The following FADS3 variants were observed in gnomAD, a reference collection of about 807,000 sequenced individuals.
The protein encoded by FADS3 is cytochrome b5-related protein.
Under a neutral mutation model 60.4 loss-of-function variants are expected in FADS3, and 30 were observed. The observed-to-expected ratio is 0.50, with a 90% confidence interval of 0.37 to 0.67. The LOEUF is 0.67. Among genes scored for constraint, FADS3 ranks in the 30% least tolerant of loss-of-function variants. The probability of loss-of-function intolerance (pLI) is 0.00; values close to 1 mark genes in which losing one functional copy is unlikely to be tolerated. For synonymous variants in FADS3, 234 were observed against 249.3 expected (o/e 0.94, Z 0.58); for missense variants, 432 against 598.3 (o/e 0.72, Z 2.90).
At position 61,891,191 on chromosome 11, in the gene FADS3, T is replaced by A. The variant is rs990054514; in HGVS notation, c.191A>T (p.His64Leu). The change falls in exon 1 of 12, where the codon CAC (histidine) becomes CTC (leucine). Residue 64 changes from histidine to leucine, a missense_variant. By Grantham distance (99) the His-to-Leu change is moderately conservative. Transcript: ENST00000278829. ...TACCGTGGCGTCCTCAGCGCCGTGG[T>A]GGCCGATGAGGCGGCTGCCCCCTGG... is the stretch of plus-strand genomic sequence containing the variant. ...RHPGGSRLIG[H>L]HGAEDATDAF... 4 of 1,563,322 alleles carry A rather than the reference T, an allele frequency of 2.6e-6. No individual in the cohort carries two copies. The highest frequency in any genetic ancestry group is 3.5e-6 in the Non-Finnish European group (4 of 1,154,106).
chr11:61,876,957 G>A lies in FADS3; in HGVS notation c.892C>T (p.Leu298Phe). 1.3e-6 allele frequency: 2 copies of A among 1,599,188 alleles called. No homozygotes were observed. The highest frequency in any genetic ancestry group is 1.7e-6 in the Non-Finnish European group (2 of 1,173,880). Reference protein sequence around the residue: ...MLVCMQWADLLWAASFYARFF... With the variant: ...MLVCMQWADLFWAASFYARFF... Reference sequence around the variant, plus strand: ...CGGGCATAGAAGCTGGCGGCCCAGAGCAAATCCTGCAGAGGAGGGCAGAGG... The same window carrying A: ...CGGGCATAGAAGCTGGCGGCCCAGAACAAATCCTGCAGAGGAGGGCAGAGG... Residue 298 changes from leucine to phenylalanine, a missense_variant, in exon 8 of 12, where the codon CTC (leucine) becomes TTC (phenylalanine). This residue lies in a region of FADS3 where 38 missense variants were observed against 34.8 expected (regional missense o/e 1.09). Coordinates refer to ENST00000278829, the MANE Select transcript of FADS3 (RefSeq NM_021727.5). The surrounding 1 kb of genome is among the most constrained non-coding windows in gnomAD (Gnocchi z 5.7).
intron 1 of FADS3, among the ~76,000 whole-genome samples, chr11:61,888,180 C>T (rs1214381484): frequency 6.6e-6 from 1 of 152,204 alleles, no homozygotes; most frequent in African/African-American, 2.4e-5. Flanking sequence ...GGCCTTGTGT[C>T]CCAAGATGGC....
In FADS3 at chr11:61,877,882, C is replaced by A. The variant is rs2135992463; in HGVS notation, c.808+273G>T. The A allele has an allele frequency of 5.1e-6, 3 of 593,294 alleles. No individual in the cohort carries two copies. The highest frequency in any genetic ancestry group is 4.5e-4 in the Middle Eastern group (1 of 2,224). The allele number at this position is 593,294 out of a possible 1,614,324, so 36.8% of individuals were successfully genotyped here. A position where few individuals can be genotyped will look rare whatever the true frequency, so the allele number is the denominator to read the frequency against. ...GGGCTCCGGACCACTCTAGTGAGGG[C>A]AAGAAGAAATTCTACGTGGGGCTTG... On this transcript the variant is annotated intron_variant, in intron 6 of 11. Coordinates refer to ENST00000278829, the MANE Select transcript of FADS3 (RefSeq NM_021727.5). The surrounding 1 kb of genome is among the most constrained non-coding windows in gnomAD (Gnocchi z 4.7).
rs890430719 is a variant in FADS3 at position 61,891,334 on chromosome 11, C to A, written c.48G>T (p.Pro16=). 5.9e-6 allele frequency: 9 copies of A among 1,513,532 alleles called. No individual in the cohort carries two copies. Among genetic ancestry groups the A allele is most frequent in the African/African-American group, 2.8e-5 (2 of 70,980 alleles). The allele number at this position is 1,513,532 out of a possible 1,614,324, so 93.8% of individuals were successfully genotyped here. A position where few individuals can be genotyped will look rare whatever the true frequency, so the allele number is the denominator to read the frequency against. Residue 16 remains proline (P), a synonymous_variant, in exon 1 of 12, where the codon CCG becomes CCT. Transcript: ENST00000278829. ...AGCAGAAGGTGGGCAGCGGCGCCCC[C>A]GGCTGCGCGGGTCCCTCCCGCGGTC... ...EPGPREGPAQ[P]GAPLPTFCWE...
chr11:61,878,269 C>T, intron 5 of FADS3, 54 bp from the exon 6 acceptor site: 1 of 1,584,914 alleles, frequency 6.3e-7, no homozygotes, highest in Non-Finnish European at 8.7e-7. Flanking sequence ...ACCTCCTTCT[C>T]CCGGGCAAGG....
chr11:61,883,275 G>A (rs174454), intron 1 of FADS3, among the ~76,000 whole-genome samples: 111,232 of 152,118 alleles, frequency 0.73, 41,141 homozygotes, highest in African/African-American at 0.76. Flanking sequence ...TGCCTCCTCC[G>A]GAAACCTCAT....
intron 3 of FADS3, among the ~76,000 whole-genome samples, 170 bp from the exon 4 acceptor site, chr11:61,879,017 G>A (rs1046472512): frequency 6.6e-6 from 1 of 152,232 alleles, no homozygotes; most frequent in Non-Finnish European, 1.5e-5. Context: ...TCCCAGGGAG[G>A]TGGAGGGGCT....
In FADS3 at chr11:61,877,408, C is replaced by T; in HGVS notation, c.885+103G>A. On this transcript the variant is annotated intron_variant, in intron 7 of 11. Transcript: ENST00000278829. This position sits in a 1 kb window ranked among gnomAD's most constrained non-coding sequence, Gnocchi z 4.7. ...TACATGTGAGCCACACTGTTGCACGCACATGTGCACCCTGTTTGCCTTCAT... is the reference window on the plus strand; with the variant it reads ...TACATGTGAGCCACACTGTTGCACGTACATGTGCACCCTGTTTGCCTTCAT... The T allele has an allele frequency of 9.3e-7, 1 of 1,070,202 alleles. No homozygotes were observed. Among genetic ancestry groups the T allele is most frequent in the East Asian group, 2.4e-5 (1 of 41,718 alleles). The allele number at this position is 1,070,202 out of a possible 1,614,324, so 66.3% of individuals were successfully genotyped here.
chr11:61,881,404 G>A (rs1475175404), intron 1 of FADS3: 1 of 152,158 alleles, frequency 6.6e-6, no homozygotes, highest in Middle Eastern at 3.2e-3. Flanking sequence ...CTGTGGTCTT[G>A]GTATTGTAAT....
intron 1 of FADS3, among the ~76,000 whole-genome samples, chr11:61,889,807 G>A (rs1248766714): frequency 1.3e-5 from 2 of 152,230 alleles, no homozygotes; most frequent in Non-Finnish European, 2.9e-5. Flanking sequence ...ACCAGCCCGA[G>A]CAACATAGTG....
In FADS3 at chr11:61,873,592, C is replaced by T; in HGVS notation, c.*222G>A. On this transcript the variant is annotated 3_prime_UTR_variant, in exon 12 of 12. Transcript: ENST00000278829. ...CCAATTCTCGCTCTAGGAAAATGTG[C>T]TATGCTCACCTTCCCTCTACCCCTG... is the stretch of plus-strand genomic sequence containing the variant. The T allele has an allele frequency of 1.7e-6, 1 of 577,744 alleles. No individual in the cohort carries two copies. The highest frequency in any genetic ancestry group is 3.1e-6 in the Non-Finnish European group (1 of 324,942). The allele number at this position is 577,744 out of a possible 1,614,324, so 35.8% of individuals were successfully genotyped here.
At chr11:61,890,194 G>A (rs174462) in intron 1 of FADS3, 24,924 of 151,746 alleles carry the variant, frequency 0.16, 2,651 homozygotes, top group Admixed American at 0.35. Context: ...TGGGGTGGAA[G>A]GGGAAAAGAG....
chr11:61,873,694 CAGG>C lies in FADS3; in HGVS notation c.*117_*119del. The C allele has an allele frequency of 1.4e-6, 1 of 734,544 alleles. No individual in the cohort carries two copies. The highest frequency in any genetic ancestry group is 2.5e-6 in the Non-Finnish European group (1 of 407,200). The allele number at this position is 734,544 out of a possible 1,614,324, so 45.5% of individuals were successfully genotyped here. ...GGGGCCGAGGGGAAGACAACAGTAC[CAGG>C]AGGGCAGGCAGGGCACCCCCAGGCT... is the stretch of plus-strand genomic sequence containing the variant. On this transcript the variant is annotated 3_prime_UTR_variant, in exon 12 of 12. Coordinates refer to ENST00000278829, the MANE Select transcript of FADS3 (RefSeq NM_021727.5).
At chr11:61,885,194 C>T (rs748864468) in intron 1 of FADS3, among the ~76,000 whole-genome samples, 1 of 152,098 alleles carries the variant, frequency 6.6e-6, no homozygotes, top group Non-Finnish European at 1.5e-5. Flanking sequence ...CAAGATCCCA[C>T]GCCCTGCCCA....
chr11:61,876,434 G>A lies in FADS3; in HGVS notation c.1005C>T (p.Phe335=), dbSNP rs111249700. The A allele has an allele frequency of 8.1e-6, 13 of 1,613,338 alleles. No homozygotes were observed. Among genetic ancestry groups the A allele is most frequent in the South Asian group, 2.2e-5 (2 of 91,084 alleles). The change falls in exon 9 of 12, where the codon TTC becomes TTT. Residue 335 remains phenylalanine (F), a synonymous_variant. Coordinates refer to ENST00000278829, the MANE Select transcript of FADS3 (RefSeq NM_021727.5). The surrounding 1 kb of genome is among the most constrained non-coding windows in gnomAD (Gnocchi z 5.7). Reference sequence around the variant, plus strand: ...TGTGGTTCATCTGTGTGATCCACACGAACCAGTGGCTTTCCAGGACCCTGT... The same window carrying A: ...TGTGGTTCATCTGTGTGATCCACACAAACCAGTGGCTTTCCAGGACCCTGT... ...VAVRVLESHW[F]VWITQMNHIP...
At chr11:61,880,755 AT>A (rs11353704) in intron 1 of FADS3, 106,458 of 148,450 alleles carry the variant, frequency 0.72, 38,364 homozygotes, top group Non-Finnish European at 0.75. Flanking sequence ...ACAAAACATA[AT>A]TTTTTTTTTT....
Position 61,876,516 on chromosome 11 carries a change from G to A in FADS3, c.984-61C>T. ...TCACCACTTAGGCACCCTGAGTGGA[G>A]GCTGGAGAGCAGCTGTCCCCAAGTG... is the stretch of plus-strand genomic sequence containing the variant. On this transcript the variant is annotated intron_variant, in intron 8 of 11. Coordinates refer to ENST00000278829, the MANE Select transcript of FADS3 (RefSeq NM_021727.5). The surrounding 1 kb of genome is among the most constrained non-coding windows in gnomAD (Gnocchi z 5.7). The A allele has an allele frequency of 1.5e-6, 2 of 1,376,258 alleles. No individual in the cohort carries two copies. Among genetic ancestry groups the A allele is most frequent in the Non-Finnish European group, 2.1e-6 (2 of 966,072 alleles). 85.3% of individuals were successfully genotyped at this position (1,376,258 alleles called of 1,614,324 possible). A position where few individuals can be genotyped will look rare whatever the true frequency, so the allele number is the denominator to read the frequency against.
At chr11:61,891,037 C>A (rs1938487049) in intron 1 of FADS3, 132 bp downstream of exon 1, 1 of 806,732 alleles carries the variant, frequency 1.2e-6, no homozygotes, top group South Asian at 1.7e-5. Context: ...AACTCTGGGT[C>A]CCGGCGTGGA....
At chr11:61,879,947 G>C (rs1353136453) in intron 2 of FADS3, 94 bp downstream of exon 2, 1 of 1,021,972 alleles carries the variant, frequency 9.8e-7, no homozygotes, top group South Asian at 1.5e-5. Flanking sequence ...GGCGAATGCC[G>C]AGGGAGCTGC....
Sources: allele counts gnomAD v4.1 joint callset (sites outside exome capture counted in the v4.1 genomes callset), GRCh38; gene constraint gnomAD v4.1.1; regional missense constraint gnomAD v4.1.1; non-coding constraint Gnocchi (gnomAD v3.1); transcripts MANE v1.5; gene names NCBI Gene and HGNC (gene_info 2026-07-23, HGNC 2026-07-21).